The following SEC13 variants were observed in gnomAD, a reference collection of about 807,000 sequenced individuals.
SEC13 encodes the protein SEC13 homolog, nuclear pore and COPII component.
SEC13 carries 25 observed loss-of-function variants against 49.2 expected under a neutral mutation model. That is an observed-to-expected ratio of 0.51 (90% CI 0.37 to 0.71). The LOEUF (loss-of-function observed/expected upper bound fraction) is 0.71, where lower values mean the gene tolerates loss of function less well. Ranked by LOEUF, SEC13 falls within the 30% of genes least tolerant of loss-of-function variation. SEC13 has a pLI of 0.00. For missense variants in SEC13, 383 were observed against 417.6 expected, an observed-to-expected ratio of 0.92 and a Z score of 0.72; for synonymous variants, 148 against 163.9, an observed-to-expected ratio of 0.90 and a Z score of 0.74.
At chr3:10,304,892 ACCTGACTC>A (rs1304064017) in intron 7 of SEC13, 133 bp downstream of exon 7, 1 of 1,242,290 alleles carries the variant, frequency 8.0e-7, no homozygotes, top group African/African-American at 1.5e-5. Context: ...CCACACAATG[ACCTGACTC>A]CCTGTGCTCT....
intron 5 of SEC13, 118 bp from the exon 6 acceptor site, chr3:10,305,810 C>T (rs751529966): frequency 1.0e-4 from 113 of 1,077,704 alleles, no homozygotes; most frequent in Non-Finnish European, 1.4e-4. Flanking sequence ...TGAAGGCTGA[C>T]ATGAAGCACT....
In SEC13 at chr3:10,314,330, T is replaced by C. The variant is rs547150713; in HGVS notation, c.164+991A>G. Among the ~76,000 whole-genome samples the C allele has an allele frequency of 7.2e-5, 11 of 152,326 alleles. No homozygotes were observed. The South Asian group carries it at 2.1e-3, about 29-fold the overall frequency. On this transcript the variant is annotated intron_variant, in intron 3 of 8. Transcript: ENST00000350697. The stretch of plus-strand genomic sequence containing the variant: ...TTTATGAGATAGTGATGCATGTACT[T>C]CTTTGTTAACACTTCAAGCAACAAA...
chr3:10,308,800 T>TTC (rs1486082087), intron 5 of SEC13, among the ~76,000 whole-genome samples: 1 of 150,134 alleles, frequency 6.7e-6, no homozygotes, highest in East Asian at 1.9e-4. Context: ...AATTTTTTTT[T>TTC]TTTTTTTTTT....
chr3:10,304,709 C>A (rs762587871), intron 7 of SEC13, among the ~76,000 whole-genome samples: 3 of 152,172 alleles, frequency 2.0e-5, no homozygotes, highest in Non-Finnish European at 4.4e-5. Flanking sequence ...CCATCCAACC[C>A]CATCGTTGCT....
At chr3:10,301,685 C>T (rs1313072028) in intron 8 of SEC13, among the ~76,000 whole-genome samples, 1 of 152,188 alleles carries the variant, frequency 6.6e-6, no homozygotes. Flanking sequence ...GTGTGGTCCC[C>T]AGACCAGAGC....
intron 2 of SEC13, 127 bp downstream of exon 2, chr3:10,317,919 GCAAC>G: frequency 1.6e-6 from 1 of 616,180 alleles, no homozygotes. Context: ...AGGCTGATAG[GCAAC>G]CACTGCAAAG....
chr3:10,319,145 C>T, intron 1 of SEC13: 1 of 1,609,916 alleles, frequency 6.2e-7, no homozygotes, highest in African/African-American at 1.3e-5. Flanking sequence ...TTACCATTTT[C>T]CCCATTTCAT....
Position 10,321,074 on chromosome 3 carries a change from AG to A in SEC13, c.-23del, listed in dbSNP as rs1375116087. On this transcript the variant is annotated 5_prime_UTR_variant, in exon 1 of 9. Transcript: ENST00000350697. The surrounding 1 kb of genome is among the most constrained non-coding windows in gnomAD (Gnocchi z 4.1). Reference sequence around the variant, plus strand: ...CCATGATTGCGGCGGTGGCTGCTCCAGGTCTCGGACGTGGCAGCTCCCGGCG... The same window carrying A: ...CCATGATTGCGGCGGTGGCTGCTCCAGTCTCGGACGTGGCAGCTCCCGGCG... 1 of 1,612,550 alleles carries A rather than the reference AG, an allele frequency of 6.2e-7. No individual in the cohort carries two copies. The highest frequency in any genetic ancestry group is 8.5e-7 in the Non-Finnish European group (1 of 1,179,554).
Position 10,311,731 on chromosome 3 carries a change from C to T in SEC13, c.450+234G>A, listed in dbSNP as rs1574880240. 2.9e-6 allele frequency: 4 copies of T among 1,384,520 alleles called. No homozygotes were observed. In the East Asian group the frequency reaches 8.5e-5, roughly 29 times the overall value. 85.8% of individuals were successfully genotyped at this position (1,384,520 alleles called of 1,614,324 possible). On this transcript the variant is annotated intron_variant, in intron 5 of 8. Coordinates refer to ENST00000350697, the MANE Select transcript of SEC13 (RefSeq NM_183352.3). ...TGGCAGTGAGCAGGCTGCTGCTGCA[C>T]CAGCCCTCCCCTGCTTGGGAGCACA...
In SEC13 at chr3:10,319,761, T is replaced by TGAGAGAGAGA. The variant is rs34434283; in HGVS notation, c.3+1279_3+1288dup. The stretch of plus-strand genomic sequence containing the variant: ...AGGGTTGATGAACCACACTTCTGAA[T>TGAGAGAGAGA]GAGAGAGAGAGAGAGAGAGAGAGAG... On this transcript the variant is annotated intron_variant, in intron 1 of 8. Coordinates refer to ENST00000350697, the MANE Select transcript of SEC13 (RefSeq NM_183352.3). Among the ~76,000 whole-genome samples, 409 of 45,504 alleles carry TGAGAGAGAGA rather than the reference T, an allele frequency of 9.0e-3. 10 individuals are homozygous for TGAGAGAGAGA. The highest frequency in any genetic ancestry group is 0.021 in the Middle Eastern group (1 of 48). The allele number at this position is 45,504 out of a possible 152,430, so 29.9% of individuals were successfully genotyped here.
At chr3:10,313,309 C>T in intron 3 of SEC13, 1 of 396,708 alleles carries the variant, frequency 2.5e-6, no homozygotes, top group Non-Finnish European at 5.5e-6. Context: ...TTTCTCTGGC[C>T]CAGGGAAGGT....
At chr3:10,306,592 T>C (rs1253693355) in intron 5 of SEC13, among the ~76,000 whole-genome samples, 1 of 152,192 alleles carries the variant, frequency 6.6e-6, no homozygotes, top group Non-Finnish European at 1.5e-5. Context: ...TACCCAGGGA[T>C]AGAGGTCTGA....
At chr3:10,308,173 A>G (rs1000513850) in intron 5 of SEC13, among the ~76,000 whole-genome samples, 3 of 152,192 alleles carry the variant, frequency 2.0e-5, no homozygotes, top group African/African-American at 4.8e-5. Flanking sequence ...CATCACCTCA[A>G]TCAAGATAAG....
Position 10,305,386 on chromosome 3 carries a change from C to G in SEC13, c.584+173G>C, listed in dbSNP as rs981789401. The G allele has an allele frequency of 8.7e-6, 9 of 1,029,132 alleles. No homozygotes were observed. In the African/African-American group the frequency reaches 1.3e-4, roughly 15 times the overall value. The allele number at this position is 1,029,132 out of a possible 1,614,324, so 63.8% of individuals were successfully genotyped here. On this transcript the variant is annotated intron_variant, in intron 6 of 8. Coordinates refer to ENST00000350697, the MANE Select transcript of SEC13 (RefSeq NM_183352.3). ...CTCCAACAGTTGGGAATTAGGTGAA[C>G]AGGTGTTGTGTTGTTTTTCAAGGAT...
At chr3:10,313,128 C>T (rs920818324) in intron 3 of SEC13, 32 of 229,496 alleles carry the variant, frequency 1.4e-4, no homozygotes, top group East Asian at 3.7e-4. Flanking sequence ...TCATCCTTCC[C>T]GACGGTCAGC....
chr3:10,313,578 C>G (rs1701420883), intron 3 of SEC13: 1 of 293,692 alleles, frequency 3.4e-6, no homozygotes, highest in African/African-American at 2.1e-5. Flanking sequence ...TGCACACACT[C>G]AAGTCTCCTC....
chr3:10,306,454 C>G (rs1026319380), intron 5 of SEC13, among the ~76,000 whole-genome samples: 1 of 152,198 alleles, frequency 6.6e-6, no homozygotes, highest in Non-Finnish European at 1.5e-5. Flanking sequence ...TAACAGCTGT[C>G]AATAACTCAG....
rs192097015 is a variant in SEC13 at position 10,310,150 on chromosome 3, C to G, written c.450+1815G>C. ...CCTCCTGGTCATTTCTCCAAAGGCC[C>G]CCAGAAGATGCTCACCATCATCTTT... is the stretch of plus-strand genomic sequence containing the variant. On this transcript the variant is annotated intron_variant, in intron 5 of 8. Coordinates refer to ENST00000350697, the MANE Select transcript of SEC13 (RefSeq NM_183352.3). Among the ~76,000 whole-genome samples, 17 of 152,228 alleles carry G rather than the reference C, an allele frequency of 1.1e-4. No individual in the cohort carries two copies. In the East Asian group the frequency reaches 3.3e-3, roughly 29 times the overall value.
chr3:10,301,169 A>AGTT lies in SEC13; in HGVS notation c.*89_*91dup. ...CCTCCTGGGAAAATAATCCTGTTGG[A>AGTT]GTTGGGGGCTCTTCCCAGTTGTCTG... On this transcript the variant is annotated 3_prime_UTR_variant, in exon 9 of 9. Coordinates refer to ENST00000350697, the MANE Select transcript of SEC13 (RefSeq NM_183352.3). 1 of 1,613,842 alleles carries AGTT rather than the reference A, an allele frequency of 6.2e-7. No individual in the cohort carries two copies. Among genetic ancestry groups the AGTT allele is most frequent in the Non-Finnish European group, 8.5e-7 (1 of 1,179,850 alleles).
Sources: allele counts gnomAD v4.1 joint callset (sites outside exome capture counted in the v4.1 genomes callset), GRCh38; gene constraint gnomAD v4.1.1; non-coding constraint Gnocchi (gnomAD v3.1); transcripts MANE v1.5; gene names NCBI Gene and HGNC (gene_info 2026-07-23, HGNC 2026-07-21).